MYO7A: variants seen among roughly 807,000 people sequenced by gnomAD.
The protein encoded by MYO7A is myosin VIIA.
MYO7A carries 210 observed loss-of-function variants against 263.8 expected under a neutral mutation model. The observed-to-expected ratio is 0.80, with a 90% CI of 0.71 to 0.89. The LOEUF (loss-of-function observed/expected upper bound fraction) is 0.89, where lower values mean the gene tolerates loss of function less well. MYO7A is among the 40% of genes least tolerant of loss of function. MYO7A has a pLI of 0.00. For missense variants in MYO7A, 2,820 were observed against 2,968.3 expected (o/e 0.95, Z 1.16); for synonymous variants, 1,239 against 1,197.3 (o/e 1.03, Z -0.72).
intron 4 of MYO7A, among the ~76,000 whole-genome samples, chr11:77,149,142 G>A (rs1471572423): frequency 6.6e-6 from 1 of 152,194 alleles, no homozygotes; most frequent in Admixed American, 6.5e-5. Context: ...CCGTGCCCGG[G>A]TCACTGCCTG....
At chr11:77,165,779 TG>T (rs1336839104) in intron 14 of MYO7A, among the ~76,000 whole-genome samples, 1 of 152,186 alleles carries the variant, frequency 6.6e-6, no homozygotes, top group Non-Finnish European at 1.5e-5. Flanking sequence ...TTGGGGTGGT[TG>T]GTCAGGAAGG....
At chr11:77,193,134 C>G (rs76804691) in intron 31 of MYO7A, among the ~76,000 whole-genome samples, 593 of 29,848 alleles carry the variant, frequency 0.02, 65 homozygotes, top group Middle Eastern at 0.062. Flanking sequence ...GGTAGCGATG[C>G]TGTTGGTGAT....
chr11:77,184,910 T>C, intron 27 of MYO7A, 195 bp downstream of exon 27: 1 of 950,350 alleles, frequency 1.1e-6, no homozygotes, highest in South Asian at 1.4e-5. Context: ...AAAGGGGGAA[T>C]CCTAAAACAG....
At chr11:77,146,273 T>G (rs1187419376) in intron 3 of MYO7A, among the ~76,000 whole-genome samples, 4 of 152,166 alleles carry the variant, frequency 2.6e-5, no homozygotes, top group Non-Finnish European at 5.9e-5. Flanking sequence ...TCCTTGTGTC[T>G]AGCGCATGCT....
intron 5 of MYO7A, 95 bp from the exon 6 acceptor site, chr11:77,156,565 G>C: frequency 3.2e-6 from 5 of 1,548,542 alleles, no homozygotes; most frequent in East Asian, 4.5e-5. Flanking sequence ...TATTACAGAT[G>C]GGGGAGCTGG....
rs893698259 is a variant in MYO7A at position 77,181,550 on chromosome 11, C to T, written c.2865C>T (p.Gly955=). The part of the protein sequence containing the change: ...KMFGFLGTSG[G]LPGQEGQAPS... ...TTGGCTTCCTGGGGACTTCAGGTGG[C>T]CTGCCAGGCCAGGAGGGCCAGGCAC... The change falls in exon 23 of 49, where the codon GGC becomes GGT. Residue 955 remains glycine, a synonymous_variant. Coordinates refer to ENST00000409709, the MANE Select transcript of MYO7A (RefSeq NM_000260.4). 9 of 1,613,298 alleles carry T rather than the reference C, an allele frequency of 5.6e-6. No individual in the cohort carries two copies. The highest frequency in any genetic ancestry group is 7.6e-6 in the Non-Finnish European group (9 of 1,179,878).
At chr11:77,143,126 A>C (rs1453791796) in intron 3 of MYO7A, among the ~76,000 whole-genome samples, 3 of 152,192 alleles carry the variant, frequency 2.0e-5, no homozygotes, top group African/African-American at 7.2e-5. Flanking sequence ...CCTCAGACAC[A>C]GAGGTGCTTT....
intron 2 of MYO7A, 74 bp from the exon 3 acceptor site, chr11:77,142,635 G>C: frequency 7.9e-7 from 1 of 1,258,588 alleles, no homozygotes; most frequent in East Asian, 2.5e-5. Flanking sequence ...GTAGCAGAGG[G>C]ATATAGGGCT....
At chr11:77,152,228 A>T (rs1952032929) in intron 4 of MYO7A, among the ~76,000 whole-genome samples, 1 of 151,962 alleles carries the variant, frequency 6.6e-6, no homozygotes, top group Admixed American at 6.6e-5. Context: ...AAAATTATTC[A>T]TTTTTTTCTG....
At chr11:77,200,993 C>G (rs1334997661) in intron 35 of MYO7A, among the ~76,000 whole-genome samples, 1 of 152,190 alleles carries the variant, frequency 6.6e-6, no homozygotes, top group Non-Finnish European at 1.5e-5. Flanking sequence ...GCAGGGAAGC[C>G]CAGAGCCACA....
rs56023295 is a variant in MYO7A at position 77,155,909 on chromosome 11, G to A, written c.288G>A (p.Thr96=). The change falls in exon 5 of 49, where the codon ACG becomes ACA. Residue 96 remains threonine (T), a splice_region_variant and synonymous_variant. Coordinates refer to ENST00000409709, the MANE Select transcript of MYO7A (RefSeq NM_000260.4). ...LIRYRDHLIY[T]YTGSILVAVN... is the part of the protein sequence containing the mutation. ...TCCCCATCTCTTGCTGCCCGCAGAC[G>A]TATACGGGCTCCATCCTGGTGGCTG... is the stretch of plus-strand genomic sequence containing the variant. 0.018 allele frequency: 28,383 copies of A among 1,598,168 alleles called. 300 individuals carry two copies. The highest frequency in any genetic ancestry group is 0.031 in the African/African-American group (2,310 of 74,740).
chr11:77,161,409 G>A (rs1433623665), intron 12 of MYO7A, among the ~76,000 whole-genome samples: 2 of 152,192 alleles, frequency 1.3e-5, no homozygotes, highest in Non-Finnish European at 2.9e-5. Context: ...CCAGATCCAT[G>A]CTGCAAGGCG....
At chr11:77,179,249 C>A in intron 20 of MYO7A, 120 bp downstream of exon 20, 2 of 811,578 alleles carry the variant, frequency 2.5e-6, no homozygotes, top group Non-Finnish European at 3.9e-6. Flanking sequence ...CCTCCTGCCA[C>A]TGCCCTGGCC....
chr11:77,153,732 C>T (rs531739592), intron 4 of MYO7A, among the ~76,000 whole-genome samples: 1 of 152,304 alleles, frequency 6.6e-6, no homozygotes, highest in Non-Finnish European at 1.5e-5. Flanking sequence ...CAGCAGACCT[C>T]CTAAATGTCA....
Position 77,199,723 on chromosome 11 carries a change from A to G in MYO7A, c.4757A>G (p.Asn1586Ser), listed in dbSNP as rs201251963. The G allele has an allele frequency of 1.5e-4, 246 of 1,613,638 alleles. 2 individuals are homozygous for G. The East Asian group carries it at 2.7e-3, about 18-fold the overall frequency. Reference protein sequence around the residue: ...KGDEYTFTSSNAEDIRDLVVT... With the variant: ...KGDEYTFTSSSAEDIRDLVVT... ...GACGAATACACCTTCACCTCCAGCA[A>G]TGCTGAGGACATTCGTGACCTGGTG... The change falls in exon 35 of 49, where the codon AAT becomes AGT. Residue 1586 changes from asparagine to serine, a missense_variant. Transcript: ENST00000409709.
intron 12 of MYO7A, among the ~76,000 whole-genome samples, chr11:77,161,830 C>T (rs782643482): frequency 4.6e-5 from 7 of 152,196 alleles, no homozygotes; most frequent in Non-Finnish European, 1.0e-4. Context: ...CCTGCCAATC[C>T]CCAGCCCTCC....
At chr11:77,177,867 A>G (rs1388634041) in intron 19 of MYO7A, among the ~76,000 whole-genome samples, 1 of 152,218 alleles carries the variant, frequency 6.6e-6, no homozygotes, top group Non-Finnish European at 1.5e-5. Flanking sequence ...AAATAATGCA[A>G]TACATTCACC....
chr11:77,192,374 T>TCACCC, intron 31 of MYO7A, 96 bp downstream of exon 31: 1 of 1,311,176 alleles, frequency 7.6e-7, no homozygotes, highest in Non-Finnish European at 1.1e-6. Context: ...CATCATTAGC[T>TCACCC]CAGGCTGGGG....
At chr11:77,205,357 G>C (rs904820423) in intron 39 of MYO7A, 105 bp from the exon 40 acceptor site, 139 of 1,332,724 alleles carry the variant, frequency 1.0e-4, no homozygotes, top group Admixed American at 6.9e-4. Context: ...CGGTGCTGCT[G>C]TGATGAGCAG....
Sources: allele counts gnomAD v4.1 joint callset (sites outside exome capture counted in the v4.1 genomes callset), GRCh38; gene constraint gnomAD v4.1.1; transcripts MANE v1.5; gene names NCBI Gene and HGNC (gene_info 2026-07-23, HGNC 2026-07-21).